TMEM178B: variants seen among roughly 807,000 people sequenced by gnomAD.
The protein encoded by TMEM178B is transmembrane protein 178B.
TMEM178B carries 5 observed loss-of-function variants against 31.0 expected under a neutral mutation model. That is an observed-to-expected ratio of 0.16 (90% CI 0.08 to 0.34). The LOEUF is 0.34. TMEM178B is among the 10% of genes least tolerant of loss of function. The probability of loss-of-function intolerance (pLI) is 1.00; values close to 1 mark genes in which losing one functional copy is unlikely to be tolerated. For missense variants in TMEM178B, 275 were observed against 400.3 expected (o/e 0.69, Z 2.67); for synonymous variants, 164 against 164.0 (o/e 1.00, Z 0.00).
In TMEM178B at chr7:141,282,324, T is replaced by C. The variant is rs182494461; in HGVS notation, c.496+69620T>C. Reference sequence around the variant, plus strand: ...GTAACCCTGCCCTTGGGGAGAACAGTTTTGAAGCATCCACTGGTGGATTGG... The same window carrying C: ...GTAACCCTGCCCTTGGGGAGAACAGCTTTGAAGCATCCACTGGTGGATTGG... On this transcript the variant is annotated intron_variant, in intron 2 of 3. Coordinates refer to ENST00000565468, the MANE Select transcript of TMEM178B (RefSeq NM_001195278.2). 2.0e-3 allele frequency among the ~76,000 whole-genome samples: 304 copies of C among 152,150 alleles called. 1 individual carries two copies. The highest frequency in any genetic ancestry group is 7.0e-3 in the African/African-American group (290 of 41,490).
At chr7:141,235,048 TA>T (rs1797505977) in intron 2 of TMEM178B, among the ~76,000 whole-genome samples, 1 of 152,182 alleles carries the variant, frequency 6.6e-6, no homozygotes, top group African/African-American at 2.4e-5. Flanking sequence ...ATATGAGTAT[TA>T]TTTATGTTAG....
rs563285295 is a variant in TMEM178B at position 141,291,670 on chromosome 7, C to T, written c.496+78966C>T. Among the ~76,000 whole-genome samples the T allele has an allele frequency of 4.5e-4, 69 of 152,040 alleles. 1 individual carries two copies. Among genetic ancestry groups the T allele is most frequent in the African/African-American group, 1.4e-3 (59 of 41,456 alleles). On this transcript the variant is annotated intron_variant, in intron 2 of 3. Coordinates refer to ENST00000565468, the MANE Select transcript of TMEM178B (RefSeq NM_001195278.2). ...CAAGACAGTAGCAAGAACCCTGTGC[C>T]GATTGTAGGGTTTATTGAAGAATTG...
chr7:141,319,992 C>G (rs908484626), intron 2 of TMEM178B, among the ~76,000 whole-genome samples: 30 of 151,980 alleles, frequency 2.0e-4, no homozygotes, highest in African/African-American at 6.0e-4. Context: ...AATTGTAATC[C>G]CCACATGTTG....
At chr7:141,284,046 C>CT (rs1250621315) in intron 2 of TMEM178B, among the ~76,000 whole-genome samples, 1 of 152,236 alleles carries the variant, frequency 6.6e-6, no homozygotes, top group African/African-American at 2.4e-5. Context: ...GCTGTTGCTG[C>CT]TACTTATTAA....
chr7:141,426,495 G>A (rs1418898121), intron 2 of TMEM178B, among the ~76,000 whole-genome samples: 1 of 152,140 alleles, frequency 6.6e-6, no homozygotes, highest in African/African-American at 2.4e-5. Flanking sequence ...TACTTTTTAG[G>A]GAACTCTGCA....
chr7:141,418,165 A>G (rs998160668), intron 2 of TMEM178B, among the ~76,000 whole-genome samples: 2 of 152,186 alleles, frequency 1.3e-5, no homozygotes, highest in African/African-American at 4.8e-5. Flanking sequence ...TACATCCTTT[A>G]TAAAAAAGAG....
rs550323849 is a variant in TMEM178B at position 141,222,915 on chromosome 7, T to C, written c.496+10211T>C. 7.2e-5 allele frequency among the ~76,000 whole-genome samples: 11 copies of C among 152,350 alleles called. No homozygotes were observed. In the South Asian group the frequency reaches 2.1e-3, roughly 29 times the overall value. Reference sequence around the variant, plus strand: ...GTGTGGTAGCAGCAGCAGAAGCAGCTCTTTAATTTATCAGTTGTGCCCAAT... The same window carrying C: ...GTGTGGTAGCAGCAGCAGAAGCAGCCCTTTAATTTATCAGTTGTGCCCAAT... On this transcript the variant is annotated intron_variant, in intron 2 of 3. Transcript: ENST00000565468.
At chr7:141,237,205 A>T (rs536999842) in intron 2 of TMEM178B, among the ~76,000 whole-genome samples, 1 of 152,364 alleles carries the variant, frequency 6.6e-6, no homozygotes, top group East Asian at 1.9e-4. Flanking sequence ...GGCAATATTT[A>T]TCACAAGTCT....
At chr7:141,270,750 G>A (rs905249899) in intron 2 of TMEM178B, among the ~76,000 whole-genome samples, 1 of 152,232 alleles carries the variant, frequency 6.6e-6, no homozygotes, top group African/African-American at 2.4e-5. Flanking sequence ...GCTGCTAAAT[G>A]TTGTCATGTC....
chr7:141,496,231 C>T, the TMEM178B span, among the ~76,000 whole-genome samples: 850 of 152,240 alleles, frequency 5.6e-3, 5 homozygotes, highest in Middle Eastern at 0.01. Flanking sequence ...AGTGTCTTTT[C>T]ATTTTTCCCA....
chr7:141,173,195 GT>G (rs1563107339), intron 1 of TMEM178B: 1 of 152,216 alleles, frequency 6.6e-6, no homozygotes, highest in African/African-American at 2.4e-5. Context: ...AAGTAGTCTA[GT>G]TTGAAGCTGA....
At chr7:141,270,953 T>C (rs557826858) in intron 2 of TMEM178B, among the ~76,000 whole-genome samples, 18 of 152,178 alleles carry the variant, frequency 1.2e-4, no homozygotes, top group Non-Finnish European at 1.8e-4. Flanking sequence ...ATCTTCAACA[T>C]TGTGGATGGT....
intron 2 of TMEM178B, among the ~76,000 whole-genome samples, chr7:141,300,623 C>T (rs1798707138): frequency 6.6e-6 from 1 of 152,148 alleles, no homozygotes; most frequent in Admixed American, 6.5e-5. Flanking sequence ...CCTCCCATCT[C>T]TCATCATTTG....
At chr7:141,076,650 CAG>C (rs933349957) in intron 1 of TMEM178B, among the ~76,000 whole-genome samples, 3 of 152,204 alleles carry the variant, frequency 2.0e-5, no homozygotes, top group African/African-American at 4.8e-5. Context: ...AAGCTGGAAA[CAG>C]AGACAGGGAA....
intron 2 of TMEM178B, among the ~76,000 whole-genome samples, chr7:141,266,478 A>G (rs1371826720): frequency 1.3e-5 from 2 of 151,396 alleles, no homozygotes; most frequent in East Asian, 3.9e-4. Context: ...GTTCTGGAAA[A>G]CCCTGTGTCA....
intron 2 of TMEM178B, among the ~76,000 whole-genome samples, chr7:141,399,377 G>A (rs1800713835): frequency 6.6e-6 from 1 of 152,224 alleles, no homozygotes; most frequent in South Asian, 2.1e-4. Flanking sequence ...GAAATATGGA[G>A]GGTGGTGGCA....
intron 2 of TMEM178B, among the ~76,000 whole-genome samples, chr7:141,378,651 T>A (rs1800261011): frequency 6.6e-6 from 1 of 152,222 alleles, no homozygotes; most frequent in African/African-American, 2.4e-5. Flanking sequence ...AGCTACATAC[T>A]GACCTTTGCC....
At chr7:141,399,513 C>T (rs982233214) in intron 2 of TMEM178B, among the ~76,000 whole-genome samples, 2 of 152,070 alleles carry the variant, frequency 1.3e-5, no homozygotes, top group Non-Finnish European at 2.9e-5. Context: ...AAAGTGGTGC[C>T]CATTCTTTGG....
At chr7:141,420,849 A>G (rs1182393393) in intron 2 of TMEM178B, among the ~76,000 whole-genome samples, 1 of 152,216 alleles carries the variant, frequency 6.6e-6, no homozygotes, top group Non-Finnish European at 1.5e-5. Flanking sequence ...ATCTCTTGAG[A>G]TAAAGACAGG....
Sources: gnomAD v4.1 joint callset for allele counts (sites outside exome capture counted in the v4.1 genomes callset) on GRCh38, gnomAD v4.1.1 for gene constraint, MANE v1.5 for transcripts, NCBI Gene and HGNC (gene_info 2026-07-23, HGNC 2026-07-21) for gene names.